ERVV-2: variants seen among roughly 807,000 people sequenced by gnomAD.
ERVV-2 encodes endogenous retrovirus group V member 2, envelope.
For synonymous variants in ERVV-2, 105 were observed against 184.6 expected (o/e 0.57, Z 3.49); for missense variants, 291 against 495.1 (o/e 0.59, Z 3.91).
At position 53,048,946 on chromosome 19, in the gene ERVV-2, G is replaced by A. The variant is rs1448462701; in HGVS notation, c.-306G>A. 1.3e-5 allele frequency: 7 copies of A among 536,656 alleles called. No homozygotes were observed. The highest frequency in any genetic ancestry group is 4.9e-4 in the Middle Eastern group (1 of 2,022). The allele number at this position is 536,656 out of a possible 1,614,324, so 33.2% of individuals were successfully genotyped here. A position where few individuals can be genotyped will look rare whatever the true frequency, so the allele number is the denominator to read the frequency against. On this transcript the variant is annotated 5_prime_UTR_variant, in exon 2 of 2. Coordinates refer to ENST00000601417, the MANE Select transcript of ERVV-2 (RefSeq NM_001191055.2). ...GGGAAGGTCCCGAAGAACCACAGAA[G>A]AACAACAGAATTCAGCACCTGAGCA...
intron 1 of ERVV-2, among the ~76,000 whole-genome samples, chr19:53,045,844 G>C (rs955870554): frequency 2.0e-5 from 3 of 152,200 alleles, no homozygotes; most frequent in Non-Finnish European, 4.4e-5. Flanking sequence ...AGGCGCCAGA[G>C]TCCTTTGAGG....
Position 53,050,902 on chromosome 19 carries a change from T to C in ERVV-2, c.*43T>C, listed in dbSNP as rs1480539169. On this transcript the variant is annotated 3_prime_UTR_variant, in exon 2 of 2. Transcript: ENST00000601417. ...AGACCCTGATGACTTCTTCGCCCCA[T>C]GTCAGCAGGAAGTAGTTACAGAAGA... 5 of 1,458,182 alleles carry C rather than the reference T, an allele frequency of 3.4e-6. No individual in the cohort carries two copies. The highest frequency in any genetic ancestry group is 2.5e-5 in the East Asian group (1 of 40,484). 90.3% of individuals were successfully genotyped at this position (1,458,182 alleles called of 1,614,324 possible).
chr19:53,048,675 C>CAAAA lies in ERVV-2; in HGVS notation c.-385-172_-385-169dup, dbSNP rs34725225. ...GGGCGACAAGAGCAAAATTCCATCTCAAAAAAAAAAAAAAAAAAAAAAATA... is the reference window on the plus strand; with the variant it reads ...GGGCGACAAGAGCAAAATTCCATCTCAAAAAAAAAAAAAAAAAAAAAAAAAAATA... On this transcript the variant is annotated intron_variant, in intron 1 of 1. Transcript: ENST00000601417. Among the ~76,000 whole-genome samples the CAAAA allele has an allele frequency of 2.3e-3, 209 of 92,082 alleles. 1 individual carries two copies. The highest frequency in any genetic ancestry group is 6.3e-3 in the African/African-American group (140 of 22,220). The allele number at this position is 92,082 out of a possible 152,430, so 60.4% of individuals were successfully genotyped here.
Position 53,049,397 on chromosome 19 carries a change from A to G in ERVV-2, c.146A>G (p.Asn49Ser), listed in dbSNP as rs757319506. ...NHLSNCWICH[N>S]FITRSSSYQY... ...CTAAGCAACTGTTGGATCTGCCACA[A>G]CTTCATCACCAGGTCCTCATCTTAC... Residue 49 changes from asparagine to serine, a missense_variant, in exon 2 of 2, where the codon AAC becomes AGC. By Grantham distance (46) the Asn-to-Ser change is conservative. Transcript: ENST00000601417. The G allele has an allele frequency of 7.2e-4, 582 of 807,018 alleles. 10 individuals carry two copies. In the South Asian group the frequency reaches 9.0e-3, roughly 12 times the overall value. The allele number at this position is 807,018 out of a possible 1,614,324, so 50.0% of individuals were successfully genotyped here.
intron 1 of ERVV-2, among the ~76,000 whole-genome samples, chr19:53,048,661 G>A (rs1168837478): frequency 1.1e-5 from 1 of 93,180 alleles, no homozygotes; most frequent in Non-Finnish European, 1.9e-5. Context: ...GGCGACAAGA[G>A]CAAAATTCCA....
In ERVV-2 at chr19:53,050,724, A is replaced by G. The variant is rs1316340543; in HGVS notation, c.1473A>G (p.Gln491=). ...LIKCVSSRIK[Q]FHMKSPQMER... is the part of the protein sequence containing the mutation. ...AGTGTGTCTCTTCTAGGATAAAGCA[A>G]TTTCACATGAAGTCCCCCCAAATGG... The change falls in exon 2 of 2, where the codon CAA becomes CAG. Residue 491 remains glutamine (Q), a synonymous_variant. Transcript: ENST00000601417. 1 of 1,535,818 alleles carries G rather than the reference A, an allele frequency of 6.5e-7. No homozygotes were observed. Among genetic ancestry groups the G allele is most frequent in the Non-Finnish European group, 8.7e-7 (1 of 1,146,842 alleles).
rs1267025519 is a variant in ERVV-2 at position 53,049,208 on chromosome 19, A to C, written c.-44A>C. The C allele has an allele frequency of 9.8e-7, 1 of 1,024,072 alleles. No homozygotes were observed. The highest frequency in any genetic ancestry group is 1.5e-5 in the South Asian group (1 of 65,264). 63.4% of individuals were successfully genotyped at this position (1,024,072 alleles called of 1,614,324 possible). A position where few individuals can be genotyped will look rare whatever the true frequency, so the allele number is the denominator to read the frequency against. On this transcript the variant is annotated 5_prime_UTR_variant, in exon 2 of 2. Coordinates refer to ENST00000601417, the MANE Select transcript of ERVV-2 (RefSeq NM_001191055.2). ...TTCATTATTTGTCTCTCCTATTTTCAGCACTTTCCTTTTGCTTTCACAAAG... is the reference window on the plus strand; with the variant it reads ...TTCATTATTTGTCTCTCCTATTTTCCGCACTTTCCTTTTGCTTTCACAAAG...
At chr19:53,046,567 T>C (rs1454946850) in intron 1 of ERVV-2, among the ~76,000 whole-genome samples, 2 of 152,334 alleles carry the variant, frequency 1.3e-5, no homozygotes, top group East Asian at 3.9e-4. Context: ...TTGCTGTTTA[T>C]GTGATCATAT....
At position 53,050,929 on chromosome 19, in the gene ERVV-2, C is replaced by T; in HGVS notation, c.*70C>T. ...TCAGCAGGAAGTAGTTACAGAAGACCCACGACGTCCTTACAACCAGAGCTT... is the reference window on the plus strand; with the variant it reads ...TCAGCAGGAAGTAGTTACAGAAGACTCACGACGTCCTTACAACCAGAGCTT... On this transcript the variant is annotated 3_prime_UTR_variant, in exon 2 of 2. Coordinates refer to ENST00000601417, the MANE Select transcript of ERVV-2 (RefSeq NM_001191055.2). 7.3e-7 allele frequency: 1 copy of T among 1,373,806 alleles called. No homozygotes were observed. The highest frequency in any genetic ancestry group is 9.6e-7 in the Non-Finnish European group (1 of 1,040,470). 85.1% of individuals were successfully genotyped at this position (1,373,806 alleles called of 1,614,324 possible).
rs545041831 is a variant in ERVV-2 at position 53,048,616 on chromosome 19, G to A, written c.-385-251G>A. On this transcript the variant is annotated intron_variant, in intron 1 of 1. Coordinates refer to ENST00000601417, the MANE Select transcript of ERVV-2 (RefSeq NM_001191055.2). ...CTTGAACCTGGGAGGCGGAGGTTGC[G>A]GTGAGCCGAGATCCCGCCATTGCAC... 2.6e-3 allele frequency among the ~76,000 whole-genome samples: 371 copies of A among 145,112 alleles called. 6 individuals are homozygous for A. Among genetic ancestry groups the A allele is most frequent in the African/African-American group, 9.0e-3 (348 of 38,660 alleles).
In ERVV-2 at chr19:53,050,561, G is replaced by A. The variant is rs1458455279; in HGVS notation, c.1310G>A (p.Gly437Asp). 1 of 805,812 alleles carries A rather than the reference G, an allele frequency of 1.2e-6. No homozygotes were observed. The allele number at this position is 805,812 out of a possible 1,614,324, so 49.9% of individuals were successfully genotyped here. A position where few individuals can be genotyped will look rare whatever the true frequency, so the allele number is the denominator to read the frequency against. Residue 437 changes from glycine to aspartate, a missense_variant, in exon 2 of 2, where the codon GGT (glycine) becomes GAT (aspartate). By Grantham distance (94) the Gly-to-Asp change is moderately conservative. Coordinates refer to ENST00000601417, the MANE Select transcript of ERVV-2 (RefSeq NM_001191055.2). ...ATWLHDFGKGGASARAIWEAV... is the reference protein window; with the variant it reads ...ATWLHDFGKGDASARAIWEAV... ...TGGCTCCATGACTTTGGAAAAGGAG[G>A]TGCTTCAGCAAGGGCCATCTGGGAG...
At position 53,050,333 on chromosome 19, in the gene ERVV-2, A is replaced by G; in HGVS notation, c.1082A>G (p.Lys361Arg). Residue 361 changes from lysine (K) to arginine (R), a missense_variant, in exon 2 of 2, where the codon AAG becomes AGG. By Grantham distance (26) the Lys-to-Arg change is conservative. Coordinates refer to ENST00000601417, the MANE Select transcript of ERVV-2 (RefSeq NM_001191055.2). ...TCCAGACAAATAGACAACATAGCTA[A>G]GAGTACCAGAGATAGCATCTCTAAA... ...NLSRQIDNIA[K>R]STRDSISKLK... 2.8e-6 allele frequency: 2 copies of G among 708,410 alleles called. No homozygotes were observed. Among genetic ancestry groups the G allele is most frequent in the Non-Finnish European group, 5.1e-6 (2 of 391,674 alleles). The allele number at this position is 708,410 out of a possible 1,614,324, so 43.9% of individuals were successfully genotyped here. A position where few individuals can be genotyped will look rare whatever the true frequency, so the allele number is the denominator to read the frequency against.
At position 53,050,340 on chromosome 19, in the gene ERVV-2, C is replaced by A. The variant is rs1272711343; in HGVS notation, c.1089C>A (p.Thr363=). 5 of 711,700 alleles carry A rather than the reference C, an allele frequency of 7.0e-6. No individual in the cohort carries two copies. The highest frequency in any genetic ancestry group is 4.0e-5 in the Admixed American group (2 of 49,654). 44.1% of individuals were successfully genotyped at this position (711,700 alleles called of 1,614,324 possible). Residue 363 remains threonine, a synonymous_variant, in exon 2 of 2, where the codon ACC becomes ACA. Coordinates refer to ENST00000601417, the MANE Select transcript of ERVV-2 (RefSeq NM_001191055.2). ...AAATAGACAACATAGCTAAGAGTACCAGAGATAGCATCTCTAAACTCAAGG... is the reference window on the plus strand; with the variant it reads ...AAATAGACAACATAGCTAAGAGTACAAGAGATAGCATCTCTAAACTCAAGG... The part of the protein sequence containing the change: ...SRQIDNIAKS[T]RDSISKLKAS...
Position 53,050,687 on chromosome 19 carries a change from A to T in ERVV-2, c.1436A>T (p.Asn479Ile). 2.0e-6 allele frequency: 3 copies of T among 1,528,004 alleles called. No individual in the cohort carries two copies. The highest frequency in any genetic ancestry group is 1.2e-5 in the South Asian group (1 of 83,902). The allele number at this position is 1,528,004 out of a possible 1,614,324, so 94.7% of individuals were successfully genotyped here. A position where few individuals can be genotyped will look rare whatever the true frequency, so the allele number is the denominator to read the frequency against. The change falls in exon 2 of 2, where the codon AAT becomes ATT. Residue 479 changes from asparagine (N) to isoleucine (I), a missense_variant. Coordinates refer to ENST00000601417, the MANE Select transcript of ERVV-2 (RefSeq NM_001191055.2). ...LLFLFGPCFF[N>I]LLIKCVSSRI... ...TTCCTCTTTGGCCCTTGTTTCTTTAATTTACTGATTAAGTGTGTCTCTTCT... is the reference window on the plus strand; with the variant it reads ...TTCCTCTTTGGCCCTTGTTTCTTTATTTTACTGATTAAGTGTGTCTCTTCT...
intron 1 of ERVV-2, among the ~76,000 whole-genome samples, chr19:53,045,537 G>A (rs996035213): frequency 3.3e-5 from 5 of 152,044 alleles, no homozygotes; most frequent in African/African-American, 4.8e-5. Flanking sequence ...TCCTGACCTC[G>A]TGATCCGCCC....
At position 53,051,091 on chromosome 19, in the gene ERVV-2, G is replaced by A; in HGVS notation, c.*232G>A. ...AGCTTCCTTGGTGATGCTGCCCACA[G>A]ACAGTCAGCACTTCTCTAATAACCC... On this transcript the variant is annotated 3_prime_UTR_variant, in exon 2 of 2. Coordinates refer to ENST00000601417, the MANE Select transcript of ERVV-2 (RefSeq NM_001191055.2). 2.4e-6 allele frequency: 1 copy of A among 409,446 alleles called. No individual in the cohort carries two copies. Among genetic ancestry groups the A allele is most frequent in the South Asian group, 3.3e-5 (1 of 30,156 alleles). The allele number at this position is 409,446 out of a possible 1,614,324, so 25.4% of individuals were successfully genotyped here.
chr19:53,051,000 G>C lies in ERVV-2; in HGVS notation c.*141G>C, dbSNP rs2083911305. ...AGGAGGGAAATATTAGGGTAGGCAG[G>C]TAGGCAGGCATGAGCAGGCAAGAGA... On this transcript the variant is annotated 3_prime_UTR_variant, in exon 2 of 2. Transcript: ENST00000601417. 5.3e-6 allele frequency: 4 copies of C among 750,830 alleles called. No individual in the cohort carries two copies. Among genetic ancestry groups the C allele is most frequent in the Admixed American group, 3.6e-5 (1 of 27,724 alleles). The allele number at this position is 750,830 out of a possible 1,614,324, so 46.5% of individuals were successfully genotyped here.
chr19:53,047,341 T>C lies in ERVV-2; in HGVS notation c.-385-1526T>C, dbSNP rs117359350. 3.3e-5 allele frequency among the ~76,000 whole-genome samples: 5 copies of C among 152,134 alleles called. No individual in the cohort carries two copies. The East Asian group carries it at 9.7e-4, about 29-fold the overall frequency. On this transcript the variant is annotated intron_variant, in intron 1 of 1. Coordinates refer to ENST00000601417, the MANE Select transcript of ERVV-2 (RefSeq NM_001191055.2). ...CCAGCCTGGGCAACAAGAGAGAAACTGTCTCAAAAAAAAGGACTTTAGAAG... is the reference window on the plus strand; with the variant it reads ...CCAGCCTGGGCAACAAGAGAGAAACCGTCTCAAAAAAAAGGACTTTAGAAG...
In ERVV-2 at chr19:53,044,903, T is replaced by C. The variant is rs2083884668; in HGVS notation, c.-441T>C. 6.6e-6 allele frequency: 1 copy of C among 152,240 alleles called. No individual in the cohort carries two copies. Among genetic ancestry groups the C allele is most frequent in the Admixed American group, 6.5e-5 (1 of 15,272 alleles). 9.4% of individuals were successfully genotyped at this position (152,240 alleles called of 1,614,324 possible). A position where few individuals can be genotyped will look rare whatever the true frequency, so the allele number is the denominator to read the frequency against. ...GAACCAGAGGACTTCCACACCCCTCTGGGTAACATCTGGTGTTTTCACCTG... is the reference window on the plus strand; with the variant it reads ...GAACCAGAGGACTTCCACACCCCTCCGGGTAACATCTGGTGTTTTCACCTG... On this transcript the variant is annotated 5_prime_UTR_variant, in exon 1 of 2. Transcript: ENST00000601417.
Sources: gnomAD v4.1 joint callset for allele counts (sites outside exome capture counted in the v4.1 genomes callset) on GRCh38, gnomAD v4.1.1 for gene constraint, MANE v1.5 for transcripts, NCBI Gene and HGNC (gene_info 2026-07-23, HGNC 2026-07-21) for gene names.